GNPTG: variants seen among roughly 807,000 people sequenced by gnomAD.
GNPTG encodes N-acetylglucosamine-1-phosphotransferase subunit gamma.
In GNPTG, 46 loss-of-function variants were observed where a neutral mutation model predicts 43.8. The observed-to-expected ratio is 1.05, with a 90% confidence interval of 0.83 to 1.34. GNPTG has a LOEUF of 1.34. Among genes scored for constraint, GNPTG ranks in the 40% most tolerant of loss-of-function variants. The pLI is 0.00. For synonymous variants in GNPTG, 250 were observed against 172.8 expected (o/e 1.45, Z -3.50); for missense variants, 549 against 411.3 (o/e 1.33, Z -2.90).
intron 3 of GNPTG, among the ~76,000 whole-genome samples, chr16:1,356,145 C>G (rs1172276418): frequency 6.6e-6 from 1 of 152,096 alleles, no homozygotes; most frequent in Non-Finnish European, 1.5e-5. Flanking sequence ...CCCACCGAAG[C>G]CTGACCGGGG....
At chr16:1,352,967 AT>A (rs3078768) in intron 3 of GNPTG, among the ~76,000 whole-genome samples, 97 of 132,644 alleles carry the variant, frequency 7.3e-4, no homozygotes, top group African/African-American at 1.2e-3. Context: ...AAATCCAAGA[AT>A]TTTTTTTTTT....
In GNPTG at chr16:1,362,113, C is replaced by G. The variant is rs1189462726; in HGVS notation, c.393C>G (p.Ser131=). The G allele has an allele frequency of 6.2e-7, 1 of 1,612,266 alleles. No homozygotes were observed. The highest frequency in any genetic ancestry group is 2.2e-5 in the East Asian group (1 of 44,808). ...TGAGGGACGGTGACGCCTGCCGTTC[C>G]CGGAGCCGGCAGAGCAAGGTGGGGC... ...MWMRDGDACR[S]RSRQSKVELA... Residue 131 remains serine (S), a synonymous_variant, in exon 6 of 11, where the codon TCC becomes TCG. Transcript: ENST00000204679.
chr16:1,359,020 C>T (rs1197684656), intron 3 of GNPTG: 1 of 152,106 alleles, frequency 6.6e-6, no homozygotes, highest in African/African-American at 2.4e-5. Flanking sequence ...AGCCACCACA[C>T]CTGGCTCATT....
rs768090398 is a variant in GNPTG, at chr16:1,363,047, C to G, written c.874C>G (p.Pro292Ala). Residue 292 changes from proline (P) to alanine (A), a missense_variant, in exon 11 of 11, where the codon CCA becomes GCA. Physicochemically the swap from Pro to Ala is conservative, Grantham distance 27. Coordinates refer to ENST00000204679, the MANE Select transcript of GNPTG (RefSeq NM_032520.5). ...CCACGAGACGCCCAGAGCCAAGTCT[C>G]CAGAGCAGCTGCGGGGTGACCCAGG... ...LGHETPRAKS[P>A]EQLRGDPGLR... 2 of 1,614,036 alleles carry G rather than the reference C, an allele frequency of 1.2e-6. No individual in the cohort carries two copies. The highest frequency in any genetic ancestry group is 1.7e-6 in the Non-Finnish European group (2 of 1,180,024).
chr16:1,362,934 G>C, intron 10 of GNPTG, 28 bp downstream of exon 10: 9 of 1,613,652 alleles, frequency 5.6e-6, no homozygotes, highest in Non-Finnish European at 3.4e-6. Context: ...AGAGGGCCAG[G>C]CTCACCATCA....
chr16:1,359,111 CTCCCGAAGTGCTGGGAT>C (rs1337826038), intron 3 of GNPTG: 1 of 152,228 alleles, frequency 6.6e-6, no homozygotes, highest in African/African-American at 2.4e-5. Context: ...CTGCCTCGGC[CTCCCGAAGTGCTGGGAT>C]TCCCGGCTTC....
Position 1,362,702 on chromosome 16 carries a change from C to G in GNPTG, c.701C>G (p.Pro234Arg), listed in dbSNP as rs990613310. ...ENEPTQLEGG[P>R]DSLGFETLEN... ...GAACCCACCCAGCTGGAGGGAGGTC[C>G]TGACAGCTTGGGGTTTGAGACCCTG... Residue 234 changes from proline (P) to arginine (R), a missense_variant, in exon 9 of 11, where the codon CCT (proline) becomes CGT (arginine). Transcript: ENST00000204679. 1.2e-6 allele frequency: 2 copies of G among 1,614,090 alleles called. No homozygotes were observed. The highest frequency in any genetic ancestry group is 2.7e-5 in the African/African-American group (2 of 75,050).
chr16:1,362,991 T>C lies in GNPTG; in HGVS notation c.824-6T>C, dbSNP rs764334830. ...GGTGAGGACTGGCCACCTGGTGTTT[T>C]GGCAGAAACTTCCAACTTGGAGCAC... On this transcript the variant is annotated splice_polypyrimidine_tract_variant and splice_region_variant and intron_variant, in intron 10 of 10. Transcript: ENST00000204679. 3 of 1,614,082 alleles carry C rather than the reference T, an allele frequency of 1.9e-6. No homozygotes were observed. Among genetic ancestry groups the C allele is most frequent in the Non-Finnish European group, 1.7e-6 (2 of 1,180,002 alleles).
chr16:1,356,068 C>T (rs543139531), intron 3 of GNPTG, among the ~76,000 whole-genome samples: 2 of 151,320 alleles, frequency 1.3e-5, no homozygotes, highest in South Asian at 4.2e-4. Flanking sequence ...CAGGGAGCAG[C>T]GTGGGAGGGA....
At chr16:1,352,766 C>T (rs866726920) in intron 3 of GNPTG, among the ~76,000 whole-genome samples, 74 of 152,154 alleles carry the variant, frequency 4.9e-4, no homozygotes, top group Middle Eastern at 6.8e-3. Flanking sequence ...GCACTGCACT[C>T]CCCGATTGTA....
chr16:1,363,099 G>A lies in GNPTG; in HGVS notation c.*8G>A. The A allele has an allele frequency of 3.1e-6, 5 of 1,613,268 alleles. No homozygotes were observed. The highest frequency in any genetic ancestry group is 4.2e-6 in the Non-Finnish European group (5 of 1,179,704). On this transcript the variant is annotated 3_prime_UTR_variant, in exon 11 of 11. Coordinates refer to ENST00000204679, the MANE Select transcript of GNPTG (RefSeq NM_032520.5). ...CTGCGTGGGAGTTTGTGACCTTGTG[G>A]TGGGAGAGCAGAGGTGGACGCGGCC...
rs1029275494 is a variant in GNPTG, at chr16:1,363,712, C to G, written c.*621C>G. ...ATCCCTGAGGCCATGGCCACCAAGA[C>G]AGGTGAGGGAGGCCCCAGGGCACAC... On this transcript the variant is annotated 3_prime_UTR_variant, in exon 11 of 11. Coordinates refer to ENST00000204679, the MANE Select transcript of GNPTG (RefSeq NM_032520.5). 1 of 166,914 alleles carries G rather than the reference C, an allele frequency of 6.0e-6. No homozygotes were observed. The highest frequency in any genetic ancestry group is 2.4e-5 in the African/African-American group (1 of 41,564). 10.3% of individuals were successfully genotyped at this position (166,914 alleles called of 1,614,324 possible). A position where few individuals can be genotyped will look rare whatever the true frequency, so the allele number is the denominator to read the frequency against.
At chr16:1,361,643 C>CAA in intron 3 of GNPTG, 100 bp from the exon 4 acceptor site, 1 of 1,277,364 alleles carries the variant, frequency 7.8e-7, no homozygotes, top group Non-Finnish European at 1.1e-6. Context: ...GACTCCATCT[C>CAA]AAAAAAAAAG....
At position 1,362,122 on chromosome 16, in the gene GNPTG, G is replaced by T; in HGVS notation, c.402G>T (p.Arg134=). 6.2e-7 allele frequency: 1 copy of T among 1,612,338 alleles called. No homozygotes were observed. Among genetic ancestry groups the T allele is most frequent in the East Asian group, 2.2e-5 (1 of 44,802 alleles). The change falls in exon 6 of 11, where the codon CGG becomes CGT. Residue 134 remains arginine (R), a synonymous_variant. Transcript: ENST00000204679. Reference sequence around the variant, plus strand: ...GTGACGCCTGCCGTTCCCGGAGCCGGCAGAGCAAGGTGGGGCCTCAGACGG... The same window carrying T: ...GTGACGCCTGCCGTTCCCGGAGCCGTCAGAGCAAGGTGGGGCCTCAGACGG... ...RDGDACRSRS[R]QSKVELACGK... is the part of the protein sequence containing the mutation.
chr16:1,360,020 A>C (rs752115962), intron 3 of GNPTG, among the ~76,000 whole-genome samples: 1 of 152,082 alleles, frequency 6.6e-6, no homozygotes, highest in Non-Finnish European at 1.5e-5. Context: ...GAGGCGGGAA[A>C]ATCGGTTGAA....
chr16:1,354,585 CAAAAAA>C (rs869067502), intron 3 of GNPTG, among the ~76,000 whole-genome samples: 850 of 44,368 alleles, frequency 0.019, 15 homozygotes, highest in African/African-American at 0.059. Context: ...GACTTCGTCT[CAAAAAA>C]AAAAAAAAAA....
chr16:1,360,289 C>G (rs559941540), intron 3 of GNPTG, among the ~76,000 whole-genome samples: 1 of 152,138 alleles, frequency 6.6e-6, no homozygotes, highest in Non-Finnish European at 1.5e-5. Flanking sequence ...GAATACTTTT[C>G]CATACCTTCA....
chr16:1,356,170 A>G (rs2141856067), intron 3 of GNPTG, among the ~76,000 whole-genome samples: 1 of 152,192 alleles, frequency 6.6e-6, no homozygotes, highest in South Asian at 2.1e-4. Flanking sequence ...GGGGAAACGG[A>G]GTCCAGGCTC....
chr16:1,363,307 GTTAAC>G lies in GNPTG; in HGVS notation c.*219_*223del, dbSNP rs2034981764. The G allele has an allele frequency of 3.5e-6, 2 of 575,746 alleles. No individual in the cohort carries two copies. Among genetic ancestry groups the G allele is most frequent in the South Asian group, 3.9e-5 (2 of 51,638 alleles). The allele number at this position is 575,746 out of a possible 1,614,324, so 35.7% of individuals were successfully genotyped here. A position where few individuals can be genotyped will look rare whatever the true frequency, so the allele number is the denominator to read the frequency against. On this transcript the variant is annotated 3_prime_UTR_variant, in exon 11 of 11. Coordinates refer to ENST00000204679, the MANE Select transcript of GNPTG (RefSeq NM_032520.5). ...ATAGTGTAAAAAAATTTAAACAAGT[GTTAAC>G]TTTAAACAGTTCGCTACAAGTAAAT...
Sources: allele counts gnomAD v4.1 joint callset (sites outside exome capture counted in the v4.1 genomes callset), GRCh38; gene constraint gnomAD v4.1.1; transcripts MANE v1.5; gene names NCBI Gene and HGNC (gene_info 2026-07-23, HGNC 2026-07-21).